LY86: variants seen among roughly 807,000 people sequenced by gnomAD.
The protein encoded by LY86 is lymphocyte antigen 86.
LY86 carries 20 observed loss-of-function variants against 17.3 expected under a neutral mutation model. The ratio of observed to expected loss-of-function variants is 1.15; its 90% CI spans 0.81 to 1.68. The LOEUF (loss-of-function observed/expected upper bound fraction) is 1.68, where lower values mean the gene tolerates loss of function less well. Among genes scored for constraint, LY86 ranks in the 40% most tolerant of loss-of-function variants. The pLI, the probability that LY86 is intolerant of heterozygous loss-of-function variation, is 0.00. For synonymous variants in LY86, 74 were observed against 70.6 expected (o/e 1.05, Z -0.24); for missense variants, 200 against 191.9 (o/e 1.04, Z -0.25).
intron 1 of LY86, among the ~76,000 whole-genome samples, chr6:6,595,156 G>A (rs1457580486): frequency 1.4e-5 from 2 of 145,128 alleles, no homozygotes; most frequent in Non-Finnish European, 3.0e-5. Context: ...GAGAGGAGGA[G>A]AGAAAAGAGC....
At chr6:6,599,667 G>C (rs1760836334) in intron 1 of LY86, among the ~76,000 whole-genome samples, 1 of 152,232 alleles carries the variant, frequency 6.6e-6, no homozygotes, top group African/African-American at 2.4e-5. Context: ...CATTCTGCCA[G>C]TCCCTTCCCA....
intron 1 of LY86, among the ~76,000 whole-genome samples, chr6:6,590,949 A>G (rs1760508076): frequency 6.6e-6 from 1 of 152,214 alleles, no homozygotes; most frequent in South Asian, 2.1e-4. Context: ...AAAATTAAAA[A>G]TAAGTAAAAG....
At chr6:6,626,750 A>C (rs17142392) in intron 3 of LY86, among the ~76,000 whole-genome samples, 31,323 of 152,000 alleles carry the variant, frequency 0.21, 3,916 homozygotes, top group African/African-American at 0.34. Flanking sequence ...ATTGAGGTTC[A>C]GAGTGCTCCC....
intron 1 of LY86, among the ~76,000 whole-genome samples, chr6:6,619,682 T>G (rs763404): frequency 0.012 from 1,838 of 152,276 alleles, 46 homozygotes; most frequent in African/African-American, 0.042. Flanking sequence ...CAAAAGCACA[T>G]GCAGGAAGCA....
chr6:6,599,911 A>G (rs890890900), intron 1 of LY86, among the ~76,000 whole-genome samples: 6 of 152,078 alleles, frequency 3.9e-5, no homozygotes, highest in African/African-American at 1.4e-4. Flanking sequence ...AAACTCACCC[A>G]ATGTCAGGTG....
At chr6:6,614,187 G>T (rs1761487966) in intron 1 of LY86, among the ~76,000 whole-genome samples, 1 of 152,052 alleles carries the variant, frequency 6.6e-6, no homozygotes, top group Non-Finnish European at 1.5e-5. Context: ...CACACACAAC[G>T]CAACACAATC....
intron 1 of LY86, among the ~76,000 whole-genome samples, chr6:6,613,405 A>T (rs541713694): frequency 1.3e-5 from 2 of 152,190 alleles, no homozygotes; most frequent in Non-Finnish European, 2.9e-5. Flanking sequence ...GACTTCAGGC[A>T]TGGTGGGCTG....
At chr6:6,645,734 T>G (rs952585008) in intron 3 of LY86, among the ~76,000 whole-genome samples, 2 of 151,796 alleles carry the variant, frequency 1.3e-5, no homozygotes, top group Non-Finnish European at 2.9e-5. Context: ...CAAACCCTGA[T>G]AGCCAGCAGG....
intron 1 of LY86, among the ~76,000 whole-genome samples, chr6:6,620,181 T>A (rs1487035809): frequency 6.6e-6 from 1 of 152,178 alleles, no homozygotes; most frequent in Non-Finnish European, 1.5e-5. Context: ...ACTGGTGACA[T>A]CTGAATAAAC....
At chr6:6,651,949 G>C (rs150822252) in intron 4 of LY86, among the ~76,000 whole-genome samples, 1 of 150,940 alleles carries the variant, frequency 6.6e-6, no homozygotes, top group Non-Finnish European at 1.5e-5. Flanking sequence ...GCAGCCACTC[G>C]GGAGGCTGAG....
intron 1 of LY86, among the ~76,000 whole-genome samples, chr6:6,620,138 G>A (rs926041012): frequency 4.0e-5 from 6 of 151,800 alleles, no homozygotes; most frequent in Non-Finnish European, 7.4e-5. Context: ...ACATACATGC[G>A]CTTGTACACA....
chr6:6,641,291 A>T (rs1282941750), intron 3 of LY86, among the ~76,000 whole-genome samples: 1 of 152,250 alleles, frequency 6.6e-6, no homozygotes, highest in East Asian at 1.9e-4. Flanking sequence ...TTGATTTATT[A>T]TAGGTTATTC....
chr6:6,605,687 GACTTAAAGAATGAA>G (rs1761098940), intron 1 of LY86, among the ~76,000 whole-genome samples: 1 of 152,224 alleles, frequency 6.6e-6, no homozygotes, highest in South Asian at 2.1e-4. Flanking sequence ...TCATCTCACG[GACTTAAAGAATGAA>G]GCCGCGGAAC....
chr6:6,631,923 A>C (rs1201163181), intron 3 of LY86, among the ~76,000 whole-genome samples: 1 of 152,174 alleles, frequency 6.6e-6, no homozygotes, highest in Non-Finnish European at 1.5e-5. Context: ...TAATTCTTAC[A>C]TGTGGTGAAG....
chr6:6,597,495 T>C (rs1760751174), intron 1 of LY86, among the ~76,000 whole-genome samples: 1 of 152,200 alleles, frequency 6.6e-6, no homozygotes, highest in South Asian at 2.1e-4. Context: ...TCTAGGTTGG[T>C]GTTCATTCCT....
At chr6:6,638,260 A>G (rs144334505) in intron 3 of LY86, among the ~76,000 whole-genome samples, 1 of 152,378 alleles carries the variant, frequency 6.6e-6, no homozygotes, top group African/African-American at 2.4e-5. Context: ...GACTCTTTAT[A>G]TTGGTTCCAT....
intron 1 of LY86, among the ~76,000 whole-genome samples, chr6:6,618,600 G>A (rs1761607646): frequency 6.6e-6 from 1 of 152,154 alleles, no homozygotes; most frequent in South Asian, 2.1e-4. Flanking sequence ...ATTCCATTAT[G>A]ATGGTGTTCA....
At chr6:6,589,349 C>T (rs979599045) in intron 1 of LY86, among the ~76,000 whole-genome samples, 1 of 152,236 alleles carries the variant, frequency 6.6e-6, no homozygotes, top group Non-Finnish European at 1.5e-5. Context: ...ACTTTCAGAG[C>T]TTTCACTGCA....
intron 1 of LY86, among the ~76,000 whole-genome samples, chr6:6,592,810 C>G (rs560937360): frequency 8.5e-5 from 13 of 152,288 alleles, no homozygotes; most frequent in Admixed American, 2.6e-4. Context: ...AGATTTCAAC[C>G]CTCCAGGACT....
Sources: allele counts gnomAD v4.1 joint callset (sites outside exome capture counted in the v4.1 genomes callset), GRCh38; gene constraint gnomAD v4.1.1; transcripts MANE v1.5; gene names NCBI Gene and HGNC (gene_info 2026-07-23, HGNC 2026-07-21).